Variants in IQGAP2 observed in about 807,000 individuals in gnomAD.
The protein encoded by IQGAP2 is IQ motif containing GTPase activating protein 2, also known as ras GTPase-activating-like protein IQGAP2.
Under a neutral mutation model 201.3 loss-of-function variants are expected in IQGAP2, and 173 were observed. The observed-to-expected ratio is 0.86, with a 90% CI of 0.76 to 0.98. IQGAP2 has a LOEUF of 0.98. Ranked by LOEUF, IQGAP2 falls within the 50% of genes least tolerant of loss-of-function variation. The pLI is 0.00. For missense variants in IQGAP2, 1,687 were observed against 1,864.8 expected, an observed-to-expected ratio of 0.90 and a Z score of 1.76; for synonymous variants, 675 against 673.9, an observed-to-expected ratio of 1.00 and a Z score of -0.03.
chr5:76,405,280 A>G (rs58367103), intron 1 of IQGAP2, among the ~76,000 whole-genome samples: 1 of 152,340 alleles, frequency 6.6e-6, no homozygotes, highest in African/African-American at 2.4e-5. Context: ...AGAAGAAGCT[A>G]TCAAGGGAGT....
At chr5:76,617,510 C>A (rs1749097828) in intron 13 of IQGAP2, 1 of 1,152,590 alleles carries the variant, frequency 8.7e-7, no homozygotes, top group East Asian at 2.4e-5. Context: ...GAGCTCCTTG[C>A]ACTATGCTTA....
chr5:76,668,879 GAATC>G (rs1291016904), intron 23 of IQGAP2, 35 bp downstream of exon 23: 1 of 1,332,100 alleles, frequency 7.5e-7, no homozygotes, highest in African/African-American at 1.5e-5. Context: ...AAATACCAGT[GAATC>G]AATCCTTTTG....
intron 1 of IQGAP2, among the ~76,000 whole-genome samples, chr5:76,452,087 G>A (rs1753788915): frequency 6.6e-6 from 1 of 151,022 alleles, no homozygotes; most frequent in Non-Finnish European, 1.5e-5. Flanking sequence ...ATATAGTAAA[G>A]TAATACAGGT....
chr5:76,432,410 C>A (rs1752425410), intron 1 of IQGAP2, among the ~76,000 whole-genome samples: 1 of 152,104 alleles, frequency 6.6e-6, no homozygotes, highest in South Asian at 2.1e-4. Context: ...TAGGCATGAG[C>A]CACCATGCTC....
Position 76,654,327 on chromosome 5 carries a change from T to C in IQGAP2, c.2250+56T>C, listed in dbSNP as rs1752740147. 3.5e-6 allele frequency: 4 copies of C among 1,138,682 alleles called. No individual in the cohort carries two copies. In the African/African-American group the frequency reaches 6.2e-5, roughly 18 times the overall value. The allele number at this position is 1,138,682 out of a possible 1,614,324, so 70.5% of individuals were successfully genotyped here. On this transcript the variant is annotated intron_variant, in intron 19 of 35. Transcript: ENST00000274364. ...GGTTGATAATGACCTAAATGAATGC[T>C]TTATTGAAAGTTAGCATTGAATGAT...
At chr5:76,571,168 A>AT (rs1489796805) in intron 4 of IQGAP2, among the ~76,000 whole-genome samples, 1 of 151,096 alleles carries the variant, frequency 6.6e-6, no homozygotes, top group East Asian at 1.9e-4. Flanking sequence ...TTATAAATTT[A>AT]TTTTTTGTAA....
chr5:76,591,416 C>A (rs919474597), intron 8 of IQGAP2, among the ~76,000 whole-genome samples: 3 of 151,592 alleles, frequency 2.0e-5, no homozygotes, highest in African/African-American at 7.3e-5. Context: ...TTGTAACCAC[C>A]TTTCTGTGTA....
chr5:76,635,235 G>A lies in IQGAP2; in HGVS notation c.1781-1799G>A, dbSNP rs141231507. ...TAAACTTGCCTGCTTCTTTTCCCAC[G>A]TGTCATATTTGGATGAGAGCTAAAA... On this transcript the variant is annotated intron_variant, in intron 15 of 35. Coordinates refer to ENST00000274364, the MANE Select transcript of IQGAP2 (RefSeq NM_006633.5). 3.2e-3 allele frequency among the ~76,000 whole-genome samples: 488 copies of A among 152,192 alleles called. 7 individuals are homozygous for A. Among genetic ancestry groups the A allele is most frequent in the African/African-American group, 0.011 (475 of 41,530 alleles).
chr5:76,533,579 C>T (rs1759447124), intron 2 of IQGAP2, among the ~76,000 whole-genome samples: 3 of 151,946 alleles, frequency 2.0e-5, no homozygotes, highest in Admixed American at 6.6e-5. Flanking sequence ...CTCGCTCTGT[C>T]GCCCAGGCTT....
At chr5:76,483,792 T>A (rs1255554460) in intron 2 of IQGAP2, among the ~76,000 whole-genome samples, 1 of 152,232 alleles carries the variant, frequency 6.6e-6, no homozygotes, top group Admixed American at 6.5e-5. Context: ...TGCAGCCTCT[T>A]CTTTCCATCC....
chr5:76,603,532 A>G (rs1025471399), intron 11 of IQGAP2, among the ~76,000 whole-genome samples: 18 of 152,206 alleles, frequency 1.2e-4, no homozygotes, highest in African/African-American at 4.3e-4. Context: ...TGCTCCACCA[A>G]TAAGGGTTTC....
At chr5:76,680,944 A>T (rs1745227380) in intron 28 of IQGAP2, among the ~76,000 whole-genome samples, 2 of 151,860 alleles carry the variant, frequency 1.3e-5, no homozygotes, top group South Asian at 2.1e-4. Flanking sequence ...ATCTTTATTT[A>T]AAAATACAAA....
intron 1 of IQGAP2, among the ~76,000 whole-genome samples, chr5:76,436,424 T>A (rs559963108): frequency 7.4e-6 from 1 of 135,396 alleles, no homozygotes; most frequent in South Asian, 2.5e-4. Flanking sequence ...GTTTTTATCA[T>A]AAAAGAATGC....
At chr5:76,544,194 C>A (rs187611685) in intron 2 of IQGAP2, among the ~76,000 whole-genome samples, 43 of 152,298 alleles carry the variant, frequency 2.8e-4, no homozygotes, top group Non-Finnish European at 5.0e-4. Context: ...AAAAAGCTGG[C>A]AGACAGTAAA....
chr5:76,622,883 A>G (rs1445751274), intron 13 of IQGAP2, among the ~76,000 whole-genome samples: 1 of 152,170 alleles, frequency 6.6e-6, no homozygotes. Flanking sequence ...AAACACAAAA[A>G]CGACTTTCAA....
At chr5:76,601,553 G>T (rs1020889879) in intron 11 of IQGAP2, among the ~76,000 whole-genome samples, 2 of 152,190 alleles carry the variant, frequency 1.3e-5, no homozygotes, top group Non-Finnish European at 2.9e-5. Flanking sequence ...CACTATAGCG[G>T]ATCTTGAGAG....
At chr5:76,561,279 G>T (rs114955233) in intron 2 of IQGAP2, among the ~76,000 whole-genome samples, 1 of 152,282 alleles carries the variant, frequency 6.6e-6, no homozygotes, top group African/African-American at 2.4e-5. Context: ...CTAATAAATG[G>T]TCAGTAATAA....
chr5:76,504,452 C>G (rs560759237), intron 2 of IQGAP2, among the ~76,000 whole-genome samples: 67 of 152,150 alleles, frequency 4.4e-4, no homozygotes, highest in Non-Finnish European at 8.8e-4. Flanking sequence ...ATAACCAACA[C>G]CTAAGTGCGA....
At chr5:76,572,769 G>A (rs970547132) in intron 4 of IQGAP2, among the ~76,000 whole-genome samples, 7 of 152,132 alleles carry the variant, frequency 4.6e-5, no homozygotes, top group African/African-American at 1.7e-4. Flanking sequence ...TTATTTAGGA[G>A]TGGTCTCGCT....
Sources: gnomAD v4.1 joint callset for allele counts (sites outside exome capture counted in the v4.1 genomes callset) on GRCh38, gnomAD v4.1.1 for gene constraint, MANE v1.5 for transcripts, NCBI Gene and HGNC (gene_info 2026-07-23, HGNC 2026-07-21) for gene names.